Variants in EMB observed in about 807,000 individuals in gnomAD.
EMB encodes the protein embigin.
EMB carries 31 observed loss-of-function variants against 41.4 expected under a neutral mutation model. The observed-to-expected ratio is 0.75, with a 90% CI of 0.56 to 1.01. The LOEUF is 1.01. EMB is among the 50% of genes least tolerant of loss of function. The pLI is 0.00. For synonymous variants in EMB, 137 were observed against 140.4 expected, an observed-to-expected ratio of 0.98 and a Z score of 0.17; for missense variants, 379 against 388.3, an observed-to-expected ratio of 0.98 and a Z score of 0.20.
At chr5:50,431,179 C>T (rs1427663917) in intron 1 of EMB, among the ~76,000 whole-genome samples, 1 of 152,126 alleles carries the variant, frequency 6.6e-6, no homozygotes, top group Non-Finnish European at 1.5e-5. Context: ...CAAAAGAACA[C>T]GTGTAACTGC....
At chr5:50,441,565 A>C (rs566254115), upstream of EMB, among the ~76,000 whole-genome samples, 28 of 152,274 alleles carry the variant, frequency 1.8e-4, no homozygotes, top group African/African-American at 5.8e-4. Context: ...GGCAGGTTTC[A>C]CTAATTTGCT....
chr5:50,404,618 A>T (rs2111775763), intron 5 of EMB, among the ~76,000 whole-genome samples: 1 of 152,064 alleles, frequency 6.6e-6, no homozygotes, highest in African/African-American at 2.4e-5. Context: ...TGTTTTTCAC[A>T]TATTGTTGTA....
intron 2 of EMB, among the ~76,000 whole-genome samples, chr5:50,423,343 G>C (rs1428699696): frequency 1.3e-5 from 2 of 152,060 alleles, no homozygotes; most frequent in East Asian, 3.8e-4. Flanking sequence ...CAGAAATGGT[G>C]GGTAATTCAA....
At chr5:50,440,635 G>C (rs1306711401) in intron 1 of EMB, among the ~76,000 whole-genome samples, 2 of 151,646 alleles carry the variant, frequency 1.3e-5, no homozygotes, top group East Asian at 3.9e-4. Flanking sequence ...ATCAAGAAAA[G>C]GGAGTAGGCC....
At chr5:50,424,240 G>A (rs186927945) in intron 2 of EMB, among the ~76,000 whole-genome samples, 148 of 152,250 alleles carry the variant, frequency 9.7e-4, no homozygotes, top group Non-Finnish European at 1.5e-3. Context: ...TTAGATACTC[G>A]TAGGTGTGGC....
intron 4 of EMB, among the ~76,000 whole-genome samples, chr5:50,409,788 A>G (rs1745305586): frequency 6.6e-6 from 1 of 152,078 alleles, no homozygotes; most frequent in Admixed American, 6.6e-5. Context: ...ACCAAGTTAA[A>G]GGCAAATGGA....
chr5:50,438,070 C>T (rs976082132), intron 1 of EMB, among the ~76,000 whole-genome samples: 1 of 152,126 alleles, frequency 6.6e-6, no homozygotes, highest in Non-Finnish European at 1.5e-5. Flanking sequence ...ATAGGCTATG[C>T]TGTCAGTAGT....
intron 2 of EMB, among the ~76,000 whole-genome samples, chr5:50,424,924 T>C (rs932069855): frequency 4.6e-5 from 7 of 152,184 alleles, no homozygotes; most frequent in African/African-American, 1.7e-4. Context: ...CTGCCACTTG[T>C]GTTGCTATGG....
At position 50,405,824 on chromosome 5, in the gene EMB, T is replaced by C. The variant is rs778193920; in HGVS notation, c.501A>G (p.Pro167=). The change falls in exon 5 of 9, where the codon CCA becomes CCG. Residue 167 remains proline (P), a synonymous_variant. Coordinates refer to ENST00000303221, the MANE Select transcript of EMB (RefSeq NM_198449.3). The part of the protein sequence containing the change: ...KVPELHGKNK[P]LISYVGDSTV... ...TAGAATCCCCTACGTAAGAGATCAA[T>C]GGCTTGTTTTTCCCATGAAGTTCAG... The C allele has an allele frequency of 1.9e-6, 3 of 1,586,572 alleles. No homozygotes were observed. The highest frequency in any genetic ancestry group is 2.6e-6 in the Non-Finnish European group (3 of 1,171,028).
chr5:50,426,659 T>G (rs1222982948), intron 2 of EMB, among the ~76,000 whole-genome samples: 1 of 152,102 alleles, frequency 6.6e-6, no homozygotes, highest in Non-Finnish European at 1.5e-5. Context: ...AAATAATAAG[T>G]AACAACATAG....
intron 2 of EMB, among the ~76,000 whole-genome samples, chr5:50,420,459 A>G (rs937282995): frequency 1.3e-5 from 2 of 152,194 alleles, no homozygotes; most frequent in Non-Finnish European, 1.5e-5. Flanking sequence ...TTTTGTACAC[A>G]CCCCAAGTGA....
At chr5:50,403,529 G>C (rs1745201788) in intron 5 of EMB, 75 bp from the exon 6 acceptor site, 2 of 1,480,270 alleles carry the variant, frequency 1.4e-6, no homozygotes, top group Non-Finnish European at 1.8e-6. Context: ...TTCAGTGAAA[G>C]CTATAAGATA....
intron 2 of EMB, among the ~76,000 whole-genome samples, chr5:50,414,896 G>A (rs551128324): frequency 2.3e-4 from 35 of 152,084 alleles, no homozygotes; most frequent in Non-Finnish European, 5.1e-4. Flanking sequence ...TGCCCATCAG[G>A]ATTTTGCTCT....
intron 2 of EMB, among the ~76,000 whole-genome samples, chr5:50,425,176 C>A (rs181323410): frequency 6.6e-6 from 1 of 152,318 alleles, no homozygotes; most frequent in East Asian, 1.9e-4. Context: ...CTAACCTAGA[C>A]CTCTTGCTGG....
chr5:50,415,941 A>G (rs1361292438), intron 2 of EMB, among the ~76,000 whole-genome samples: 2 of 152,246 alleles, frequency 1.3e-5, no homozygotes, highest in Admixed American at 6.5e-5. Flanking sequence ...CACATTTTCA[A>G]CTAAACATAG....
At chr5:50,405,161 T>G (rs1393441488) in intron 5 of EMB, among the ~76,000 whole-genome samples, 1 of 151,970 alleles carries the variant, frequency 6.6e-6, no homozygotes, top group Non-Finnish European at 1.5e-5. Context: ...TGAATAGCGA[T>G]TTCTCTCAGT....
At chr5:50,403,731 T>A (rs1481515061) in intron 5 of EMB, among the ~76,000 whole-genome samples, 1 of 151,924 alleles carries the variant, frequency 6.6e-6, no homozygotes, top group Non-Finnish European at 1.5e-5. Flanking sequence ...GAATAAATAT[T>A]ATAGAAGAAT....
chr5:50,418,007 C>T (rs1745457620), intron 2 of EMB, among the ~76,000 whole-genome samples: 1 of 152,190 alleles, frequency 6.6e-6, no homozygotes, highest in Admixed American at 6.5e-5. Flanking sequence ...TATTTCTCTA[C>T]TTTCTAAACT....
chr5:50,429,964 C>G (rs1027946941), intron 1 of EMB, among the ~76,000 whole-genome samples: 112 of 87,042 alleles, frequency 1.3e-3, no homozygotes, highest in African/African-American at 6.8e-3. Context: ...CTCCCCAACT[C>G]TCTTTCTCTC....
Sources: allele counts gnomAD v4.1 joint callset (sites outside exome capture counted in the v4.1 genomes callset), GRCh38; gene constraint gnomAD v4.1.1; transcripts MANE v1.5; gene names NCBI Gene and HGNC (gene_info 2026-07-23, HGNC 2026-07-21).